PCNX2: variants seen among roughly 807,000 people sequenced by gnomAD.
PCNX2 encodes the protein pecanex-like protein 2.
In PCNX2, 168 loss-of-function variants were observed where a neutral mutation model predicts 223.8. The observed-to-expected ratio is 0.75, with a 90% confidence interval of 0.66 to 0.85. The LOEUF (loss-of-function observed/expected upper bound fraction) is 0.85. PCNX2 is among the 40% of genes least tolerant of loss of function. The pLI is 0.00. For synonymous variants in PCNX2, 1,006 were observed against 1,052.6 expected, an observed-to-expected ratio of 0.96 and a Z score of 0.86; for missense variants, 2,507 against 2,675.5, an observed-to-expected ratio of 0.94 and a Z score of 1.39.
intron 1 of PCNX2, among the ~76,000 whole-genome samples, chr1:233,294,339 A>C (rs1022075621): frequency 1.3e-5 from 2 of 152,232 alleles, no homozygotes; most frequent in Non-Finnish European, 2.9e-5. Flanking sequence ...CCCCAAGGTC[A>C]CAGAACTGGT....
intron 20 of PCNX2, among the ~76,000 whole-genome samples, chr1:233,136,831 G>A (rs1676832616): frequency 1.3e-5 from 2 of 152,182 alleles, no homozygotes; most frequent in East Asian, 1.9e-4. Context: ...GGTATCTGAA[G>A]ACTTAGGGAT....
chr1:233,095,105 C>T (rs1674079304), intron 22 of PCNX2, among the ~76,000 whole-genome samples: 1 of 152,034 alleles, frequency 6.6e-6, no homozygotes, highest in Non-Finnish European at 1.5e-5. Context: ...TTCCCCTTAC[C>T]CACGCGTGCA....
At chr1:233,309,499 C>T in the PCNX2 span, among the ~76,000 whole-genome samples, 3 of 151,254 alleles carry the variant, frequency 2.0e-5, no homozygotes, top group East Asian at 5.8e-4. Flanking sequence ...CAAGATCATG[C>T]CACTATACTC....
At chr1:233,308,717 A>T in the PCNX2 span, among the ~76,000 whole-genome samples, 1 of 152,176 alleles carries the variant, frequency 6.6e-6, no homozygotes. Flanking sequence ...AGATTAAATT[A>T]ACATGTTAAA....
At chr1:233,148,068 A>C (rs1232651067) in intron 19 of PCNX2, among the ~76,000 whole-genome samples, 1 of 152,238 alleles carries the variant, frequency 6.6e-6, no homozygotes, top group Non-Finnish European at 1.5e-5. Context: ...AAGGAATGAA[A>C]GTGACAGCTT....
intron 21 of PCNX2, among the ~76,000 whole-genome samples, chr1:233,116,162 C>T (rs935656483): frequency 2.6e-5 from 4 of 151,932 alleles, no homozygotes; most frequent in African/African-American, 9.7e-5. Flanking sequence ...AAAAAACAGA[C>T]AAATCACAAT....
At chr1:233,259,584 T>C (rs563266331) in intron 4 of PCNX2, among the ~76,000 whole-genome samples, 1 of 152,276 alleles carries the variant, frequency 6.6e-6, no homozygotes, top group East Asian at 1.9e-4. Context: ...TTTTCAGCCC[T>C]GCATGCATTA....
intron 17 of PCNX2, chr1:233,172,329 A>T (rs972307291): frequency 3.1e-6 from 3 of 981,120 alleles, no homozygotes; most frequent in Non-Finnish European, 3.6e-6. Context: ...TGTTTCTGCC[A>T]TGAGGCGTTT....
intron 14 of PCNX2, among the ~76,000 whole-genome samples, chr1:233,199,677 T>TGGTTTA (rs1374948599): frequency 6.6e-6 from 1 of 152,102 alleles, no homozygotes; most frequent in African/African-American, 2.4e-5. Context: ...GTCACAGTGA[T>TGGTTTA]GGTTTAGGGA....
intron 21 of PCNX2, among the ~76,000 whole-genome samples, chr1:233,133,706 A>G (rs73105182): frequency 0.012 from 1,787 of 152,210 alleles, 36 homozygotes; most frequent in African/African-American, 0.041. Flanking sequence ...AAGTTTTTAA[A>G]ACAATTAGCC....
chr1:233,114,840 A>AACTC (rs1675314873), intron 21 of PCNX2, among the ~76,000 whole-genome samples: 1 of 152,094 alleles, frequency 6.6e-6, no homozygotes, highest in African/African-American at 2.4e-5. Context: ...GAGATTAAGA[A>AACTC]ACTCACAGGC....
At chr1:233,116,889 A>G (rs2102985612) in intron 21 of PCNX2, among the ~76,000 whole-genome samples, 1 of 152,270 alleles carries the variant, frequency 6.6e-6, no homozygotes, top group Non-Finnish European at 1.5e-5. Context: ...AAATTAAGAA[A>G]TCTCTAGAAA....
At chr1:233,263,965 G>T (rs1660199099) in intron 1 of PCNX2, among the ~76,000 whole-genome samples, 1 of 152,132 alleles carries the variant, frequency 6.6e-6, no homozygotes, top group African/African-American at 2.4e-5. Context: ...GCAGGCCATG[G>T]ATTTCCCTAG....
At chr1:233,020,864 A>G (rs1670865837) in intron 26 of PCNX2, among the ~76,000 whole-genome samples, 1 of 152,186 alleles carries the variant, frequency 6.6e-6, no homozygotes, top group South Asian at 2.1e-4. Context: ...TTATTAGGAG[A>G]TTTCAAAAAA....
Position 233,000,600 on chromosome 1 carries a change from G to A in PCNX2, c.5098-65C>T. The A allele has an allele frequency of 7.4e-7, 1 of 1,351,974 alleles. No individual in the cohort carries two copies. Among genetic ancestry groups the A allele is most frequent in the Admixed American group, 2.0e-5 (1 of 48,994 alleles). The allele number at this position is 1,351,974 out of a possible 1,614,324, so 83.7% of individuals were successfully genotyped here. A position where few individuals can be genotyped will look rare whatever the true frequency, so the allele number is the denominator to read the frequency against. ...AGAGGAACTCACCCCCAGGAAGCAT[G>A]CAGATGGCAACTGGCCAGTGACCTC... is the stretch of plus-strand genomic sequence containing the variant. On this transcript the variant is annotated intron_variant, in intron 29 of 33. Transcript: ENST00000258229. The surrounding 1 kb of genome is among the most constrained non-coding windows in gnomAD (Gnocchi z 4.6).
At chr1:233,037,373 C>T (rs1021493432) in intron 25 of PCNX2, among the ~76,000 whole-genome samples, 1 of 152,038 alleles carries the variant, frequency 6.6e-6, no homozygotes, top group African/African-American at 2.4e-5. Flanking sequence ...CCTCTGTCAC[C>T]CAAGGTGGAG....
Position 232,989,846 on chromosome 1 carries a change from A to G in PCNX2, c.5792-3306T>C, listed in dbSNP as rs150044257. On this transcript the variant is annotated intron_variant, in intron 32 of 33. Transcript: ENST00000258229. ...ATCAATATCTTGACTAGAGGCTGAGACCCATAGGCAAGCGCCTGTAGATGG... is the reference window on the plus strand; with the variant it reads ...ATCAATATCTTGACTAGAGGCTGAGGCCCATAGGCAAGCGCCTGTAGATGG... Among the ~76,000 whole-genome samples the G allele has an allele frequency of 5.4e-3, 817 of 152,366 alleles. 7 individuals carry two copies. The highest frequency in any genetic ancestry group is 0.019 in the African/African-American group (793 of 41,590).
chr1:233,167,082 T>C (rs4649288), intron 17 of PCNX2, among the ~76,000 whole-genome samples: 13,913 of 152,266 alleles, frequency 0.091, 841 homozygotes, highest in East Asian at 0.31. Flanking sequence ...ATAAAGACAT[T>C]TGTGCTACCA....
At chr1:233,072,786 A>AT (rs527994565) in intron 23 of PCNX2, among the ~76,000 whole-genome samples, 14 of 152,116 alleles carry the variant, frequency 9.2e-5, no homozygotes, top group Non-Finnish European at 1.9e-4. Context: ...GTTTGATAGT[A>AT]TTTTTTGAGG....
Sources: gnomAD v4.1 joint callset for allele counts (sites outside exome capture counted in the v4.1 genomes callset) on GRCh38, gnomAD v4.1.1 for gene constraint, Gnocchi (gnomAD v3.1) non-coding constraint, MANE v1.5 for transcripts, NCBI Gene and HGNC (gene_info 2026-07-23, HGNC 2026-07-21) for gene names.